Variants in TET1 observed in about 807,000 individuals in gnomAD.
TET1 encodes the protein tet methylcytosine dioxygenase 1.
In TET1, 13 loss-of-function variants were observed where a neutral mutation model predicts 148.7. That is an observed-to-expected ratio of 0.09 (90% CI 0.06 to 0.14). The LOEUF (loss-of-function observed/expected upper bound fraction) is 0.14. Ranked by LOEUF, TET1 falls within the 10% of genes least tolerant of loss-of-function variation. The pLI is 1.00. For synonymous variants in TET1, 907 were observed against 937.2 expected, an observed-to-expected ratio of 0.97 and a Z score of 0.59; for missense variants, 2,182 against 2,553.8, an observed-to-expected ratio of 0.85 and a Z score of 3.14.
chr10:68,605,703 C>T (rs984051458), intron 3 of TET1, among the ~76,000 whole-genome samples: 5 of 152,170 alleles, frequency 3.3e-5, no homozygotes, highest in South Asian at 4.1e-4. Flanking sequence ...TTAGTAGAGA[C>T]GAGGTTTTGC....
chr10:68,623,509 C>T (rs1442330458), intron 3 of TET1, among the ~76,000 whole-genome samples: 1 of 152,202 alleles, frequency 6.6e-6, no homozygotes, highest in Non-Finnish European at 1.5e-5. Context: ...AGAGTCCACC[C>T]CTGGCATCAG....
intron 3 of TET1, among the ~76,000 whole-genome samples, chr10:68,610,306 C>T (rs952225465): frequency 2.0e-5 from 3 of 149,206 alleles, no homozygotes; most frequent in African/African-American, 7.4e-5. Flanking sequence ...ACAAAAAGGC[C>T]AGGCATGGTG....
chr10:68,654,706 G>C (rs962816897), intron 6 of TET1, among the ~76,000 whole-genome samples: 3 of 152,220 alleles, frequency 2.0e-5, no homozygotes, highest in African/African-American at 4.8e-5. Flanking sequence ...AGGCCATAGT[G>C]AGGAGCTGAG....
rs1554932889 is a variant in TET1 at position 68,596,027 on chromosome 10, CAT to C, written c.1915-4938_1915-4937del. On this transcript the variant is annotated intron_variant, in intron 2 of 11. Coordinates refer to ENST00000373644, the MANE Select transcript of TET1 (RefSeq NM_030625.3). The stretch of plus-strand genomic sequence containing the variant: ...ACACACACACACACACACACACACA[CAT>C]ATATATATATATATACACATTTTTT... Among the ~76,000 whole-genome samples, 534 of 61,732 alleles carry C rather than the reference CAT, an allele frequency of 8.7e-3. 16 individuals are homozygous for C. The highest frequency in any genetic ancestry group is 0.034 in the East Asian group (64 of 1,910). 40.5% of individuals were successfully genotyped at this position (61,732 alleles called of 152,430 possible). A position where few individuals can be genotyped will look rare whatever the true frequency, so the allele number is the denominator to read the frequency against.
chr10:68,582,446 G>C (rs546029723), intron 2 of TET1, among the ~76,000 whole-genome samples: 67 of 152,256 alleles, frequency 4.4e-4, no homozygotes, highest in African/African-American at 1.6e-3. Flanking sequence ...TACCACGCTA[G>C]CCTCTTAATT....
At chr10:68,681,671 A>T (rs1390482507) in intron 9 of TET1, among the ~76,000 whole-genome samples, 183 bp downstream of exon 9, 2 of 152,148 alleles carry the variant, frequency 1.3e-5, no homozygotes, top group Non-Finnish European at 2.9e-5. Flanking sequence ...TTTATATCTT[A>T]AAAAGTCATT....
intron 1 of TET1, among the ~76,000 whole-genome samples, chr10:68,563,658 C>A (rs560007845): frequency 1.3e-5 from 2 of 152,332 alleles, no homozygotes; most frequent in Admixed American, 6.5e-5. Flanking sequence ...GAGGATCTTG[C>A]TGACATGTTG....
intron 2 of TET1, among the ~76,000 whole-genome samples, chr10:68,584,791 A>C (rs968502354): frequency 2.0e-5 from 3 of 152,074 alleles, no homozygotes; most frequent in South Asian, 4.1e-4. Context: ...CTAGTACCCC[A>C]AAACAACATT....
chr10:68,681,869 G>A (rs1186472801), intron 9 of TET1, among the ~76,000 whole-genome samples: 1 of 150,972 alleles, frequency 6.6e-6, no homozygotes, highest in Non-Finnish European at 1.5e-5. Context: ...TCAAGAGGCT[G>A]AGGCAGGAGA....
At chr10:68,605,182 G>T (rs1343011846) in intron 3 of TET1, among the ~76,000 whole-genome samples, 1 of 152,104 alleles carries the variant, frequency 6.6e-6, no homozygotes, top group East Asian at 1.9e-4. Context: ...TGCTGATAAA[G>T]AACAAGTGGG....
chr10:68,682,255 G>T (rs1035221749), intron 9 of TET1, among the ~76,000 whole-genome samples: 1 of 151,600 alleles, frequency 6.6e-6, no homozygotes, highest in Admixed American at 6.6e-5. Context: ...GGGACTACAG[G>T]CATGCGCCAC....
At chr10:68,684,027 C>A (rs1468744926) in intron 10 of TET1, among the ~76,000 whole-genome samples, 1 of 152,052 alleles carries the variant, frequency 6.6e-6, no homozygotes, top group African/African-American at 2.4e-5. Flanking sequence ...CAATAGAGAG[C>A]AATTGCTTTT....
intron 1 of TET1, among the ~76,000 whole-genome samples, chr10:68,570,708 C>T (rs1181213142): frequency 6.6e-6 from 1 of 151,660 alleles, no homozygotes; most frequent in Non-Finnish European, 1.5e-5. Context: ...TGGCTCACTT[C>T]AAGCTCCGCC....
At chr10:68,574,621 G>C (rs996493855) in intron 2 of TET1, among the ~76,000 whole-genome samples, 3 of 152,204 alleles carry the variant, frequency 2.0e-5, no homozygotes, top group Non-Finnish European at 4.4e-5. Context: ...GGCAGTCACA[G>C]ATTTAAAAAT....
chr10:68,668,802 C>T (rs913194353), intron 7 of TET1, among the ~76,000 whole-genome samples: 1 of 152,138 alleles, frequency 6.6e-6, no homozygotes, highest in African/African-American at 2.4e-5. Context: ...CATAGTAAGA[C>T]TCCATCTCTA....
chr10:68,587,701 C>T (rs2053875528), intron 2 of TET1, among the ~76,000 whole-genome samples: 1 of 152,144 alleles, frequency 6.6e-6, no homozygotes, highest in African/African-American at 2.4e-5. Context: ...GAAACACACA[C>T]AGGAAGCTGG....
chr10:68,666,165 T>C (rs980429311), intron 6 of TET1, among the ~76,000 whole-genome samples: 2 of 152,204 alleles, frequency 1.3e-5, no homozygotes, highest in Non-Finnish European at 2.9e-5. Flanking sequence ...GAGCAAATTT[T>C]AAATACTGCC....
intron 6 of TET1, among the ~76,000 whole-genome samples, chr10:68,657,079 T>G (rs1401838236): frequency 6.6e-6 from 1 of 152,018 alleles, no homozygotes; most frequent in East Asian, 1.9e-4. Flanking sequence ...TCTGTATATC[T>G]GTAATCCCAG....
chr10:68,651,112 C>T (rs1366166137), intron 4 of TET1, among the ~76,000 whole-genome samples: 1 of 152,066 alleles, frequency 6.6e-6, no homozygotes, highest in Middle Eastern at 3.2e-3. Flanking sequence ...GTGTTTTGCT[C>T]TCTTTTTGAT....
Sources: gnomAD v4.1 joint callset for allele counts (sites outside exome capture counted in the v4.1 genomes callset) on GRCh38, gnomAD v4.1.1 for gene constraint, MANE v1.5 for transcripts, NCBI Gene and HGNC (gene_info 2026-07-23, HGNC 2026-07-21) for gene names.